SLC39A10: variants seen among roughly 807,000 people sequenced by gnomAD.
SLC39A10 encodes the protein zinc transporter ZIP10.
SLC39A10 carries 13 observed loss-of-function variants against 65.1 expected under a neutral mutation model. The observed-to-expected ratio is 0.20, with a 90% CI of 0.13 to 0.32. The LOEUF (loss-of-function observed/expected upper bound fraction) is 0.32. SLC39A10 is among the 10% of genes least tolerant of loss of function. SLC39A10 has a pLI of 1.00. For missense variants in SLC39A10, 831 were observed against 1,018.4 expected, an observed-to-expected ratio of 0.82 and a Z score of 2.50; for synonymous variants, 321 against 342.2, an observed-to-expected ratio of 0.94 and a Z score of 0.68.
In SLC39A10 at chr2:195,680,866, C is replaced by T; in HGVS notation, c.824C>T (p.Pro275Leu). 6.2e-7 allele frequency: 1 copy of T among 1,614,032 alleles called. No individual in the cohort carries two copies. Among genetic ancestry groups the T allele is most frequent in the African/African-American group, 1.3e-5 (1 of 74,990 alleles). ...RVHKPDRVHN[P>L]GHSHVHLPER... ...CACAAACCTGATCGTGTACATAACC[C>T]AGGTCATTCTCATGTACATCTTCCA... Residue 275 changes from proline (P) to leucine (L), a missense_variant, in exon 2 of 10, where the codon CCA becomes CTA. Physicochemically the swap from Pro to Leu is moderately conservative, Grantham distance 98. Coordinates refer to ENST00000359634, the MANE Select transcript of SLC39A10 (RefSeq NM_020342.3).
chr2:195,702,741 C>T (rs1201919665), intron 3 of SLC39A10, among the ~76,000 whole-genome samples: 1 of 152,212 alleles, frequency 6.6e-6, no homozygotes, highest in African/African-American at 2.4e-5. Flanking sequence ...AAGTTCTTCT[C>T]TTGTCTACAG....
chr2:195,737,631 T>G lies in SLC39A10; in HGVS notation c.*2590T>G. 8.9e-6 allele frequency: 2 copies of G among 223,602 alleles called. No individual in the cohort carries two copies. Among genetic ancestry groups the G allele is most frequent in the Non-Finnish European group, 1.8e-5 (2 of 113,112 alleles). The allele number at this position is 223,602 out of a possible 1,614,324, so 13.9% of individuals were successfully genotyped here. ...TTTTTTTTTTCATTGTCAACAGTGG[T>G]GTGTCATTTTATGTATGTTCCTAAT... is the stretch of plus-strand genomic sequence containing the variant. On this transcript the variant is annotated 3_prime_UTR_variant, in exon 10 of 10. Coordinates refer to ENST00000359634, the MANE Select transcript of SLC39A10 (RefSeq NM_020342.3).
At chr2:195,638,622 G>A (rs1363937489) in intron 2 of SLC39A10, among the ~76,000 whole-genome samples, 1 of 152,068 alleles carries the variant, frequency 6.6e-6, no homozygotes, top group Non-Finnish European at 1.5e-5. Context: ...GGGATTACAG[G>A]CATGAGCCAC....
At chr2:195,651,682 C>T (rs1329381446) in intron 2 of SLC39A10, among the ~76,000 whole-genome samples, 3 of 152,042 alleles carry the variant, frequency 2.0e-5, no homozygotes, top group African/African-American at 7.3e-5. Flanking sequence ...ATCATGTTGG[C>T]CAGGCTGGTC....
chr2:195,666,228 A>T (rs1198427585), intron 1 of SLC39A10, among the ~76,000 whole-genome samples: 2 of 152,210 alleles, frequency 1.3e-5, no homozygotes, highest in Non-Finnish European at 2.9e-5. Context: ...TGTCTGAAAC[A>T]TAAAAAAAGT....
chr2:195,632,016 G>T (rs1317449453), intron 2 of SLC39A10, among the ~76,000 whole-genome samples: 1 of 152,024 alleles, frequency 6.6e-6, no homozygotes, highest in African/African-American at 2.4e-5. Flanking sequence ...AGCCTTCTGA[G>T]TAGCTGGGAC....
intron 3 of SLC39A10, among the ~76,000 whole-genome samples, chr2:195,690,694 C>A (rs1690706754): frequency 6.6e-6 from 1 of 152,062 alleles, no homozygotes; most frequent in African/African-American, 2.4e-5. Flanking sequence ...TATTACAGTT[C>A]TTTGCCCATT....
chr2:195,618,921 C>T (rs937372697), intron 2 of SLC39A10, among the ~76,000 whole-genome samples: 4 of 151,742 alleles, frequency 2.6e-5, no homozygotes, highest in Non-Finnish European at 5.9e-5. Context: ...GGTGAAACCC[C>T]GTCTCTACTA....
intron 9 of SLC39A10, among the ~76,000 whole-genome samples, chr2:195,730,628 C>A (rs1030229596): frequency 6.6e-6 from 1 of 152,198 alleles, no homozygotes; most frequent in African/African-American, 2.4e-5. Flanking sequence ...TAAGTAATTT[C>A]ATCTAGTTTC....
intron 3 of SLC39A10, among the ~76,000 whole-genome samples, chr2:195,685,434 C>T (rs1177453835): frequency 3.3e-5 from 5 of 152,190 alleles, no homozygotes; most frequent in African/African-American, 7.2e-5. Context: ...TTGTTCAGAG[C>T]CCTTTACTTG....
At chr2:195,650,754 C>T (rs1338554720) in intron 2 of SLC39A10, among the ~76,000 whole-genome samples, 1 of 152,042 alleles carries the variant, frequency 6.6e-6, no homozygotes, top group African/African-American at 2.4e-5. Context: ...TTGCACAAGC[C>T]TACCAATTCA....
At chr2:195,616,671 T>A (rs112085471) in intron 2 of SLC39A10, among the ~76,000 whole-genome samples, 6 of 151,526 alleles carry the variant, frequency 4.0e-5, no homozygotes, top group African/African-American at 1.5e-4. Flanking sequence ...TGGTGCCATC[T>A]CGGCTCACTG....
At chr2:195,644,548 G>A (rs1019542906) in intron 2 of SLC39A10, among the ~76,000 whole-genome samples, 1 of 151,638 alleles carries the variant, frequency 6.6e-6, no homozygotes, top group African/African-American at 2.4e-5. Context: ...CACCATGTTG[G>A]TCAGGCTGGT....
At chr2:195,655,151 C>T (rs1293999302), upstream of SLC39A10, among the ~76,000 whole-genome samples, 1 of 152,118 alleles carries the variant, frequency 6.6e-6, no homozygotes, top group African/African-American at 2.4e-5. Context: ...CTATCTTAGC[C>T]AGGTATTAAC....
chr2:195,677,242 T>G (rs1690124677), intron 1 of SLC39A10, among the ~76,000 whole-genome samples: 1 of 152,190 alleles, frequency 6.6e-6, no homozygotes, highest in African/African-American at 2.4e-5. Context: ...ATTATTACCC[T>G]CTATCTCTCT....
intron 3 of SLC39A10, among the ~76,000 whole-genome samples, chr2:195,690,173 GAAAAAA>G (rs34116515): frequency 0.013 from 820 of 61,122 alleles, 7 homozygotes; most frequent in African/African-American, 0.039. Flanking sequence ...GAGACTCTCT[GAAAAAA>G]AAAAAAAAAA....
chr2:195,704,330 G>A (rs977793612), intron 3 of SLC39A10, among the ~76,000 whole-genome samples: 1 of 152,138 alleles, frequency 6.6e-6, no homozygotes, highest in Non-Finnish European at 1.5e-5. Flanking sequence ...TAAAGGGAAA[G>A]TTATATATTA....
At chr2:195,647,486 T>G (rs1266856751) in intron 2 of SLC39A10, among the ~76,000 whole-genome samples, 2 of 146,624 alleles carry the variant, frequency 1.4e-5, no homozygotes, top group Non-Finnish European at 2.9e-5. Context: ...AACCAGGCAT[T>G]CACTCATCTC....
chr2:195,706,134 A>T (rs2105810102), intron 3 of SLC39A10, among the ~76,000 whole-genome samples: 1 of 152,224 alleles, frequency 6.6e-6, no homozygotes, highest in Non-Finnish European at 1.5e-5. Flanking sequence ...ATATGAATAT[A>T]TTTCCATTTG....
Sources: gnomAD v4.1 joint callset for allele counts (sites outside exome capture counted in the v4.1 genomes callset) on GRCh38, gnomAD v4.1.1 for gene constraint, MANE v1.5 for transcripts, NCBI Gene and HGNC (gene_info 2026-07-23, HGNC 2026-07-21) for gene names.